Variants in ATP10D observed in about 807,000 individuals in gnomAD.
ATP10D encodes phospholipid-transporting ATPase VD.
ATP10D carries 89 observed loss-of-function variants against 144.8 expected under a neutral mutation model. The observed-to-expected ratio is 0.61, with a 90% CI of 0.52 to 0.73. The LOEUF (loss-of-function observed/expected upper bound fraction) is 0.73. ATP10D is among the 30% of genes least tolerant of loss of function. ATP10D has a pLI of 0.00. For synonymous variants in ATP10D, 571 were observed against 615.1 expected (o/e 0.93, Z 1.06); for missense variants, 1,603 against 1,714.8 (o/e 0.93, Z 1.15).
intron 5 of ATP10D, among the ~76,000 whole-genome samples, chr4:47,531,208 C>G (rs1717551617): frequency 6.6e-6 from 1 of 152,012 alleles, no homozygotes. Flanking sequence ...GTTCAGGATT[C>G]CATAGCATCT....
chr4:47,548,302 C>T (rs2109437147), intron 10 of ATP10D, among the ~76,000 whole-genome samples: 1 of 152,310 alleles, frequency 6.6e-6, no homozygotes, highest in East Asian at 1.9e-4. Flanking sequence ...TCTTCATATA[C>T]TACCTCTATC....
At chr4:47,516,032 C>A (rs1249639251) in intron 3 of ATP10D, among the ~76,000 whole-genome samples, 1 of 152,020 alleles carries the variant, frequency 6.6e-6, no homozygotes, top group Non-Finnish European at 1.5e-5. Flanking sequence ...GAGTTCAAGA[C>A]CAGCCTGACC....
chr4:47,517,979 A>G (rs1047923412), intron 3 of ATP10D, among the ~76,000 whole-genome samples: 1 of 152,126 alleles, frequency 6.6e-6, no homozygotes, highest in Admixed American at 6.6e-5. Context: ...TTTGTTTGGT[A>G]TTGTAGAAGA....
intron 10 of ATP10D, among the ~76,000 whole-genome samples, chr4:47,550,555 C>A (rs914853633): frequency 6.6e-5 from 10 of 152,172 alleles, no homozygotes; most frequent in African/African-American, 2.4e-4. Flanking sequence ...TGGTGGCGGG[C>A]CACTTCCAAG....
chr4:47,507,922 C>T (rs1453868594), intron 1 of ATP10D, among the ~76,000 whole-genome samples: 2 of 152,138 alleles, frequency 1.3e-5, no homozygotes, highest in Non-Finnish European at 2.9e-5. Context: ...GTTAACCAGC[C>T]CTCCAGAAAG....
intron 3 of ATP10D, among the ~76,000 whole-genome samples, chr4:47,520,937 T>C (rs1716915474): frequency 6.6e-6 from 1 of 152,194 alleles, no homozygotes; most frequent in Non-Finnish European, 1.5e-5. Context: ...ATCAACAATT[T>C]CACGTTATCA....
At chr4:47,563,537 C>A in intron 14 of ATP10D, 44 bp from the exon 15 acceptor site, 1 of 1,538,448 alleles carries the variant, frequency 6.5e-7, no homozygotes, top group Non-Finnish European at 8.8e-7. Flanking sequence ...CTTCAGCTGG[C>A]TTTGGTTTCT....
intron 5 of ATP10D, 112 bp downstream of exon 5, chr4:47,525,754 C>A: frequency 1.1e-6 from 1 of 878,882 alleles, no homozygotes; most frequent in South Asian, 1.7e-5. Flanking sequence ...CACTAAAGGT[C>A]GTAACTTTAG....
At position 47,546,874 on chromosome 4, in the gene ATP10D, T is replaced by C; in HGVS notation, c.1635+12T>C. On this transcript the variant is annotated intron_variant, in intron 10 of 22. Transcript: ENST00000273859. ...TCAGTAGCCCCATTGTAAGTATGAA[T>C]GCATGACTAGAGTCTTGCACATCCA... The C allele has an allele frequency of 1.9e-6, 3 of 1,603,614 alleles. No individual in the cohort carries two copies. Among genetic ancestry groups the C allele is most frequent in the Non-Finnish European group, 2.6e-6 (3 of 1,172,048 alleles).
At chr4:47,539,670 T>C (rs530681281) in intron 9 of ATP10D, among the ~76,000 whole-genome samples, 1 of 152,352 alleles carries the variant, frequency 6.6e-6, no homozygotes, top group East Asian at 1.9e-4. Context: ...GCTAAACCTC[T>C]ATAGTGCATT....
At position 47,535,950 on chromosome 4, in the gene ATP10D, G is replaced by A. The variant is rs759172595; in HGVS notation, c.932G>A (p.Arg311His). The change falls in exon 7 of 23, where the codon CGC becomes CAC. Residue 311 changes from arginine (R) to histidine (H), a missense_variant. Physicochemically the swap from Arg to His is conservative, Grantham distance 29 (BLOSUM62 0). Coordinates refer to ENST00000273859, the MANE Select transcript of ATP10D (RefSeq NM_020453.4). Reference protein sequence around the residue: ...MLNNSGPRYKRSKLERRANTD... With the variant: ...MLNNSGPRYKHSKLERRANTD... ...AACAACAGTGGGCCACGGTATAAGC[G>A]CAGCAAATTAGAAAGAAGAGCAAAC... 1.1e-5 allele frequency: 18 copies of A among 1,612,872 alleles called. No individual in the cohort carries two copies. The African/African-American group carries it at 1.3e-4, about 12-fold the overall frequency.
chr4:47,509,326 A>C (rs950020428), intron 1 of ATP10D, among the ~76,000 whole-genome samples: 5 of 152,232 alleles, frequency 3.3e-5, no homozygotes, highest in African/African-American at 1.2e-4. Context: ...CTGTAGAACA[A>C]ATACCTATTT....
At chr4:47,562,552 C>G (rs1193174752) in intron 14 of ATP10D, among the ~76,000 whole-genome samples, 1 of 152,008 alleles carries the variant, frequency 6.6e-6, no homozygotes, top group Non-Finnish European at 1.5e-5. Flanking sequence ...CAGATGTTGG[C>G]AAGGATGCAG....
chr4:47,542,005 G>A (rs1718158309), intron 9 of ATP10D, among the ~76,000 whole-genome samples: 4 of 151,774 alleles, frequency 2.6e-5, no homozygotes, highest in Admixed American at 2.6e-4. Flanking sequence ...CTTAAGGTAA[G>A]TATTAAGAAA....
At chr4:47,561,773 T>C (rs747621871) in intron 14 of ATP10D, among the ~76,000 whole-genome samples, 1 of 152,208 alleles carries the variant, frequency 6.6e-6, no homozygotes, top group Non-Finnish European at 1.5e-5. Context: ...TGATCTGTTG[T>C]GTGGCTTGGG....
chr4:47,541,129 GA>G (rs1718113911), intron 9 of ATP10D, among the ~76,000 whole-genome samples: 1 of 152,118 alleles, frequency 6.6e-6, no homozygotes, highest in African/African-American at 2.4e-5. Context: ...TATCTCATTG[GA>G]TGGTTAAGAG....
chr4:47,591,112 C>CT lies in ATP10D; in HGVS notation c.4013dup (p.Thr1339AsnfsTer7). The CT allele has an allele frequency of 6.2e-7, 1 of 1,613,280 alleles. No homozygotes were observed. ...TCTGAGAGCTAAGCACTTTGACAGA[C>CT]TAACTCCAGAGGAGAGGACTAAAGC... On this transcript the variant is annotated frameshift_variant, in exon 23 of 23. Coordinates refer to ENST00000273859, the MANE Select transcript of ATP10D (RefSeq NM_020453.4). LOFTEE classifies it low-confidence loss of function (END_TRUNC).
intron 21 of ATP10D, among the ~76,000 whole-genome samples, chr4:47,583,534 T>C (rs1720632608): frequency 6.6e-6 from 1 of 152,230 alleles, no homozygotes; most frequent in South Asian, 2.1e-4. Context: ...AAGGTTAATA[T>C]CTGCAAATAC....
chr4:47,498,463 A>G (rs889650152), intron 1 of ATP10D, among the ~76,000 whole-genome samples: 1 of 152,254 alleles, frequency 6.6e-6, no homozygotes, highest in Non-Finnish European at 1.5e-5. Flanking sequence ...TTAAGTCATC[A>G]GTAGTATGAG....
Sources: allele counts gnomAD v4.1 joint callset (sites outside exome capture counted in the v4.1 genomes callset), GRCh38; gene constraint gnomAD v4.1.1; transcripts MANE v1.5; gene names NCBI Gene and HGNC (gene_info 2026-07-23, HGNC 2026-07-21).